VAT1L: variants seen among roughly 807,000 people sequenced by gnomAD.
VAT1L encodes the protein putative NADPH-dependent quinone oxidoreductase VAT1L.
A neutral mutation model predicts 44.1 loss-of-function variants in VAT1L; 34 were observed. The ratio of observed to expected loss-of-function variants is 0.77; its 90% CI spans 0.59 to 1.03. The LOEUF is 1.03. Ranked by LOEUF, VAT1L falls within the 50% of genes least tolerant of loss-of-function variation. The pLI is 0.00. For missense variants in VAT1L, 615 were observed against 538.8 expected (o/e 1.14, Z -1.40); for synonymous variants, 253 against 202.2 (o/e 1.25, Z -2.13).
intron 7 of VAT1L, among the ~76,000 whole-genome samples, chr16:77,958,579 AT>A (rs112422424): frequency 0.015 from 2,271 of 151,874 alleles, 56 homozygotes; most frequent in African/African-American, 0.052. Flanking sequence ...AATTCACCAG[AT>A]TTTTTTTTCC....
intron 7 of VAT1L, among the ~76,000 whole-genome samples, chr16:77,887,820 T>C (rs1215818387): frequency 6.6e-6 from 1 of 152,184 alleles, no homozygotes; most frequent in Non-Finnish European, 1.5e-5. Flanking sequence ...ACTCAAGCAA[T>C]ACCTAAACCA....
At chr16:77,885,408 G>T (rs16946738) in intron 7 of VAT1L, among the ~76,000 whole-genome samples, 5,892 of 152,232 alleles carry the variant, frequency 0.039, 386 homozygotes, top group African/African-American at 0.14. Context: ...GGTTGTATTG[G>T]TTCACATGGC....
In VAT1L at chr16:77,863,408, G is replaced by A. The variant is rs555754500; in HGVS notation, c.722+518G>A. On this transcript the variant is annotated intron_variant, in intron 4 of 8. Transcript: ENST00000302536. The stretch of plus-strand genomic sequence containing the variant: ...ATAGTCTAGCACTACTGCTCAGGTC[G>A]TTGGCTACGCCTTACTGAAAGCAAA... Among the ~76,000 whole-genome samples the A allele has an allele frequency of 8.5e-5, 13 of 152,332 alleles. No homozygotes were observed. In the South Asian group the frequency reaches 1.4e-3, roughly 17 times the overall value.
chr16:77,922,718 G>C (rs1003581055), intron 7 of VAT1L, among the ~76,000 whole-genome samples: 2 of 152,184 alleles, frequency 1.3e-5, no homozygotes, highest in African/African-American at 4.8e-5. Context: ...TTCCCTTTAA[G>C]CTTGCACACT....
intron 6 of VAT1L, among the ~76,000 whole-genome samples, chr16:77,883,552 A>G (rs2017177471): frequency 6.6e-6 from 1 of 152,116 alleles, no homozygotes; most frequent in African/African-American, 2.4e-5. Flanking sequence ...CTTTGTCCTG[A>G]GCACTGTGGG....
chr16:77,789,040 C>G (rs1192092940), intron 1 of VAT1L, 125 bp downstream of exon 1: 9 of 1,218,240 alleles, frequency 7.4e-6, no homozygotes, highest in Non-Finnish European at 9.9e-6. Context: ...TCCGCGCCCT[C>G]ACCCGGGTCT....
intron 2 of VAT1L, among the ~76,000 whole-genome samples, chr16:77,823,178 C>T (rs554789289): frequency 6.4e-4 from 97 of 152,018 alleles, no homozygotes; most frequent in African/African-American, 2.3e-3. Context: ...TGGGAGCGCT[C>T]ACCTCCAGGC....
At chr16:77,906,899 A>C (rs2017443120) in intron 7 of VAT1L, among the ~76,000 whole-genome samples, 1 of 152,122 alleles carries the variant, frequency 6.6e-6, no homozygotes. Flanking sequence ...CTAGGGTATA[A>C]AGGGGCCCAG....
intron 3 of VAT1L, among the ~76,000 whole-genome samples, chr16:77,856,048 G>A (rs893200448): frequency 6.6e-6 from 1 of 152,060 alleles, no homozygotes; most frequent in Non-Finnish European, 1.5e-5. Context: ...AAAAAACACT[G>A]TAGTGATAGA....
chr16:77,880,851 T>G (rs2142458061), intron 6 of VAT1L, among the ~76,000 whole-genome samples: 1 of 152,200 alleles, frequency 6.6e-6, no homozygotes, highest in East Asian at 1.9e-4. Context: ...ATGCAGTATT[T>G]GTTTTTATGT....
chr16:77,818,623 C>G (rs1210204039), intron 2 of VAT1L, among the ~76,000 whole-genome samples: 1 of 152,164 alleles, frequency 6.6e-6, no homozygotes, highest in Non-Finnish European at 1.5e-5. Flanking sequence ...CATTGTTCAA[C>G]TTGGTTTAGA....
Position 77,884,434 on chromosome 16 carries a change from ATAAAAAATAAAAT to A in VAT1L, c.883-173_883-161del, listed in dbSNP as rs2017187756. ...TGAGACTCCATCTCAAAAAATAAAA[ATAAAAAATAAAAT>A]AAAAAAATACACCACCAAGAGCAAC... is the stretch of plus-strand genomic sequence containing the variant. On this transcript the variant is annotated intron_variant, in intron 6 of 8. Transcript: ENST00000302536. This position sits in a 1 kb window ranked among gnomAD's most constrained non-coding sequence, Gnocchi z 4.5. 6.6e-6 allele frequency among the ~76,000 whole-genome samples: 1 copy of A among 152,084 alleles called. No homozygotes were observed. The highest frequency in any genetic ancestry group is 1.9e-4 in the East Asian group (1 of 5,188).
At chr16:77,860,788 T>C (rs2016907422) in intron 3 of VAT1L, among the ~76,000 whole-genome samples, 3 of 152,202 alleles carry the variant, frequency 2.0e-5, no homozygotes, top group Non-Finnish European at 4.4e-5. Flanking sequence ...CAGAAAACTA[T>C]AGCCTGTCCA....
chr16:77,831,982 A>ATTTTTTTTTT (rs151275500), intron 3 of VAT1L, among the ~76,000 whole-genome samples: 2 of 125,962 alleles, frequency 1.6e-5, no homozygotes, highest in South Asian at 2.6e-4. Context: ...TGCCCGGCTA[A>ATTTTTTTTTT]TTTTTTTTTT....
intron 3 of VAT1L, among the ~76,000 whole-genome samples, chr16:77,849,084 A>G (rs1016319736): frequency 6.6e-6 from 1 of 152,182 alleles, no homozygotes; most frequent in African/African-American, 2.4e-5. Flanking sequence ...AGAAATACCT[A>G]ATGTACATGA....
intron 7 of VAT1L, among the ~76,000 whole-genome samples, chr16:77,897,157 C>T (rs1018853522): frequency 4.6e-5 from 7 of 152,104 alleles, no homozygotes; most frequent in Non-Finnish European, 5.9e-5. Context: ...AATCTTGGGA[C>T]GTACATTTAA....
rs2016587920 is a variant in VAT1L, at chr16:77,832,230, T to C, written c.579+6769T>C. ...ATCTTGGAAATCTCTGTATAGTCTT[T>C]TCAACCTCTCGGTAAAACTAAAGTT... On this transcript the variant is annotated intron_variant, in intron 3 of 8. Transcript: ENST00000302536. Among the ~76,000 whole-genome samples the C allele has an allele frequency of 2.0e-5, 3 of 152,098 alleles. No homozygotes were observed. The South Asian group carries it at 6.2e-4, about 32-fold the overall frequency.
At chr16:77,791,836 G>A (rs1201840316) in intron 1 of VAT1L, among the ~76,000 whole-genome samples, 1 of 152,196 alleles carries the variant, frequency 6.6e-6, no homozygotes, top group African/African-American at 2.4e-5. Flanking sequence ...TGGGGTCAGG[G>A]TTGGAATGAT....
At chr16:77,919,728 C>G (rs4888695) in intron 7 of VAT1L, among the ~76,000 whole-genome samples, 113,332 of 152,164 alleles carry the variant, frequency 0.74, 42,391 homozygotes, top group South Asian at 0.87. Context: ...TTCAGAAATT[C>G]AGAATTCACA....
Sources: allele counts gnomAD v4.1 joint callset (sites outside exome capture counted in the v4.1 genomes callset), GRCh38; gene constraint gnomAD v4.1.1; non-coding constraint Gnocchi (gnomAD v3.1); transcripts MANE v1.5; gene names NCBI Gene and HGNC (gene_info 2026-07-23, HGNC 2026-07-21).